Variants in CDC14A observed in about 807,000 individuals in gnomAD.
CDC14A encodes cell division cycle 14A.
Under a neutral mutation model 74.4 loss-of-function variants are expected in CDC14A, and 53 were observed. The ratio of observed to expected loss-of-function variants is 0.71; its 90% CI spans 0.57 to 0.89. The LOEUF is 0.89. Ranked by LOEUF, CDC14A falls within the 40% of genes least tolerant of loss-of-function variation. The pLI is 0.00. For synonymous variants in CDC14A, 247 were observed against 258.4 expected (o/e 0.96, Z 0.43); for missense variants, 646 against 713.7 (o/e 0.91, Z 1.08).
In CDC14A at chr1:100,445,232, A is replaced by G. The variant is rs143201507; in HGVS notation, c.519+2236A>G. On this transcript the variant is annotated intron_variant, in intron 7 of 15. Coordinates refer to ENST00000336454, the MANE Select transcript of CDC14A (RefSeq NM_003672.4). The stretch of plus-strand genomic sequence containing the variant: ...ACAATAGTAAGACACTCCCTAGCCC[A>G]CACATCTAGGTGTCTACATTATATG... 5.8e-3 allele frequency among the ~76,000 whole-genome samples: 888 copies of G among 152,312 alleles called. 15 individuals are homozygous for G. Among genetic ancestry groups the G allele is most frequent in the African/African-American group, 0.021 (861 of 41,570 alleles).
At chr1:100,405,197 C>G (rs896995301) in intron 4 of CDC14A, among the ~76,000 whole-genome samples, 5 of 152,158 alleles carry the variant, frequency 3.3e-5, no homozygotes, top group African/African-American at 1.2e-4. Context: ...CCTCCCAGCT[C>G]TTCACTGTCA....
chr1:100,444,563 C>A (rs1645498575), intron 7 of CDC14A, among the ~76,000 whole-genome samples: 1 of 152,148 alleles, frequency 6.6e-6, no homozygotes, highest in Non-Finnish European at 1.5e-5. Context: ...CCTCAAACTG[C>A]TTAGTTACTG....
intron 10 of CDC14A, among the ~76,000 whole-genome samples, chr1:100,479,214 A>G (rs1354358890): frequency 6.6e-5 from 10 of 152,216 alleles, no homozygotes; most frequent in Non-Finnish European, 1.2e-4. Context: ...AAAAAGTCTA[A>G]CACTAATGGT....
At chr1:100,386,143 G>C (rs1338306470) in intron 3 of CDC14A, among the ~76,000 whole-genome samples, 1 of 151,796 alleles carries the variant, frequency 6.6e-6, no homozygotes, top group Non-Finnish European at 1.5e-5. Flanking sequence ...TTCCAGCCTG[G>C]GTGACAGAGT....
At chr1:100,449,037 C>G (rs1665851782) in intron 7 of CDC14A, among the ~76,000 whole-genome samples, 2 of 152,200 alleles carry the variant, frequency 1.3e-5, no homozygotes, top group African/African-American at 4.8e-5. Context: ...TGATCCATGA[C>G]AGGCTGAAAT....
At chr1:100,442,384 A>C (rs919413479) in intron 6 of CDC14A, among the ~76,000 whole-genome samples, 6 of 146,634 alleles carry the variant, frequency 4.1e-5, no homozygotes, top group Non-Finnish European at 9.0e-5. Flanking sequence ...AATATATACT[A>C]TATATTATAT....
intron 10 of CDC14A, among the ~76,000 whole-genome samples, chr1:100,468,906 T>G (rs1017197890): frequency 6.6e-6 from 1 of 152,032 alleles, no homozygotes; most frequent in African/African-American, 2.4e-5. Flanking sequence ...CTGGGTTGAC[T>G]CTATTTTATT....
At chr1:100,420,059 CACACAT>C (rs1306765669) in intron 4 of CDC14A, among the ~76,000 whole-genome samples, 598 of 24,282 alleles carry the variant, frequency 0.025, 13 homozygotes, top group African/African-American at 0.099. Flanking sequence ...CACACACACA[CACACAT>C]ATATATATAT....
intron 4 of CDC14A, among the ~76,000 whole-genome samples, chr1:100,421,365 A>T (rs969522363): frequency 3.9e-5 from 6 of 152,202 alleles, no homozygotes; most frequent in African/African-American, 1.4e-4. Context: ...CTGGCAACAA[A>T]TTTTCGAGCA....
intron 4 of CDC14A, among the ~76,000 whole-genome samples, chr1:100,400,818 C>A (rs1223501875): frequency 6.6e-6 from 1 of 152,050 alleles, no homozygotes; most frequent in Non-Finnish European, 1.5e-5. Context: ...TAGCTGTTTG[C>A]TTTTCATTAC....
intron 4 of CDC14A, among the ~76,000 whole-genome samples, chr1:100,399,106 C>T (rs777442742): frequency 2.0e-5 from 3 of 151,868 alleles, no homozygotes; most frequent in African/African-American, 4.8e-5. Context: ...AGTGGAGTAA[C>T]CACATTGTAG....
chr1:100,506,096 C>T (rs77668115), intron 15 of CDC14A, among the ~76,000 whole-genome samples: 197 of 152,218 alleles, frequency 1.3e-3, no homozygotes, highest in African/African-American at 4.6e-3. Context: ...ACTAGCCCCA[C>T]CTCCAACACT....
chr1:100,414,705 G>A (rs1161386995), intron 4 of CDC14A, among the ~76,000 whole-genome samples: 1 of 152,098 alleles, frequency 6.6e-6, no homozygotes, highest in Non-Finnish European at 1.5e-5. Flanking sequence ...GAGTGAGTCT[G>A]TTTTTGCGTT....
intron 4 of CDC14A, chr1:100,424,002 G>T: frequency 2.1e-6 from 1 of 487,330 alleles, no homozygotes; most frequent in Non-Finnish European, 3.8e-6. Flanking sequence ...CCTCTTCATG[G>T]ATCTGCCCTC....
intron 7 of CDC14A, among the ~76,000 whole-genome samples, chr1:100,450,019 T>C (rs1557772071): frequency 1.3e-5 from 2 of 152,126 alleles, no homozygotes; most frequent in Non-Finnish European, 2.9e-5. Flanking sequence ...GTTTTTTTTT[T>C]TTGTTTCTAA....
chr1:100,350,022 G>A (rs560487692), upstream of CDC14A, among the ~76,000 whole-genome samples: 26 of 150,000 alleles, frequency 1.7e-4, no homozygotes, highest in Non-Finnish European at 4.4e-5. Flanking sequence ...TGCGATCTTG[G>A]CTCACTGCAA....
At chr1:100,353,103 T>A in intron 1 of CDC14A, 100 bp downstream of exon 1, 1 of 1,292,272 alleles carries the variant, frequency 7.7e-7, no homozygotes, top group Non-Finnish European at 1.1e-6. Flanking sequence ...GCCAGTGTCC[T>A]GCAGCCGCTG....
intron 7 of CDC14A, among the ~76,000 whole-genome samples, chr1:100,450,783 T>G (rs1666064648): frequency 6.6e-6 from 1 of 152,180 alleles, no homozygotes; most frequent in South Asian, 2.1e-4. Context: ...TTCTTCCTCT[T>G]TAATGATTGT....
chr1:100,369,250 A>G (rs1654087377), intron 2 of CDC14A, among the ~76,000 whole-genome samples: 1 of 152,138 alleles, frequency 6.6e-6, no homozygotes, highest in South Asian at 2.1e-4. Context: ...CTGTGACTAC[A>G]GGCATGTGCC....
Sources: allele counts gnomAD v4.1 joint callset (sites outside exome capture counted in the v4.1 genomes callset), GRCh38; gene constraint gnomAD v4.1.1; transcripts MANE v1.5; gene names NCBI Gene and HGNC (gene_info 2026-07-23, HGNC 2026-07-21).